The following DPRX variants were observed in gnomAD, a reference collection of about 807,000 sequenced individuals.
DPRX encodes the protein divergent paired-related homeobox.
Under a neutral mutation model 8.4 loss-of-function variants are expected in DPRX, and 11 were observed. The ratio of observed to expected loss-of-function variants is 1.31; its 90% CI spans 0.82 to 2.17. DPRX has a LOEUF of 2.17. Ranked by LOEUF, DPRX falls within the 30% of genes most tolerant of loss-of-function variation. The pLI is 0.00. For missense variants in DPRX, 211 were observed against 236.7 expected, an observed-to-expected ratio of 0.89 and a Z score of 0.71; for synonymous variants, 72 against 87.0, an observed-to-expected ratio of 0.83 and a Z score of 0.96.
chr19:53,601,892 T>A, the DPRX span: 1 of 390,256 alleles, frequency 2.6e-6, no homozygotes, highest in South Asian at 1.9e-5. Context: ...CCATTGGTTT[T>A]TCGCAACTGC....
At chr19:53,631,110 G>A (rs1046721557), upstream of DPRX, among the ~76,000 whole-genome samples, 1 of 151,776 alleles carries the variant, frequency 6.6e-6, no homozygotes, top group Non-Finnish European at 1.5e-5. Context: ...GCCTCCCAAA[G>A]TGCTGGGATT....
the DPRX span, among the ~76,000 whole-genome samples, chr19:53,612,333 T>C: frequency 6.6e-6 from 1 of 151,436 alleles, no homozygotes; most frequent in Non-Finnish European, 1.5e-5. Flanking sequence ...CAGTGAGCTA[T>C]GATCCTACCA....
chr19:53,634,178 C>T (rs1206404954), intron 1 of DPRX, among the ~76,000 whole-genome samples: 1 of 152,094 alleles, frequency 6.6e-6, no homozygotes, highest in Non-Finnish European at 1.5e-5. Context: ...CGCATGTAAT[C>T]CCAACACTTT....
chr19:53,613,048 T>C, the DPRX span, among the ~76,000 whole-genome samples: 55 of 152,092 alleles, frequency 3.6e-4, 1 homozygote, highest in Non-Finnish European at 8.8e-5. Flanking sequence ...TATGGCAGGA[T>C]TTGGGGAAAA....
intron 1 of DPRX, among the ~76,000 whole-genome samples, chr19:53,633,635 G>A (rs910622930): frequency 1.3e-5 from 2 of 152,018 alleles, no homozygotes; most frequent in Non-Finnish European, 2.9e-5. Context: ...TCAGCCTCCC[G>A]AGTAGCTGGG....
At chr19:53,625,869 C>T in the DPRX span, among the ~76,000 whole-genome samples, 2 of 151,938 alleles carry the variant, frequency 1.3e-5, no homozygotes, top group Non-Finnish European at 2.9e-5. Context: ...AACTCCTGAC[C>T]TCAGGTGATC....
At chr19:53,629,072 G>T (rs1409596932), upstream of DPRX, among the ~76,000 whole-genome samples, 1 of 151,524 alleles carries the variant, frequency 6.6e-6, no homozygotes, top group African/African-American at 2.4e-5. Context: ...TCAGCACTTT[G>T]GGAGGCCGAG....
the DPRX span, among the ~76,000 whole-genome samples, chr19:53,625,988 G>A: frequency 2.6e-5 from 4 of 152,106 alleles, no homozygotes; most frequent in South Asian, 6.2e-4. Flanking sequence ...CCAGGCTAGA[G>A]TGCAGGGGCA....
upstream of DPRX, among the ~76,000 whole-genome samples, chr19:53,631,540 G>A (rs1018610727): frequency 2.6e-5 from 4 of 151,870 alleles, no homozygotes; most frequent in African/African-American, 9.7e-5. Flanking sequence ...AGTCAGAAAC[G>A]TTGAGGGCAG....
At chr19:53,603,746 CTTTTT>C in the DPRX span, among the ~76,000 whole-genome samples, 1 of 140,398 alleles carries the variant, frequency 7.1e-6, no homozygotes, top group Admixed American at 7.2e-5. Flanking sequence ...TCTTTTCTTT[CTTTTT>C]TTTTTTTTTT....
At chr19:53,618,607 C>T in the DPRX span, among the ~76,000 whole-genome samples, 24,000 of 139,940 alleles carry the variant, frequency 0.17, 2,104 homozygotes, top group East Asian at 0.24. Flanking sequence ...ATAGCAAGAC[C>T]CCATCTCTAA....
upstream of DPRX, among the ~76,000 whole-genome samples, chr19:53,628,835 C>T (rs555749056): frequency 9.9e-5 from 15 of 151,752 alleles, no homozygotes; most frequent in Middle Eastern, 6.8e-3. Context: ...GTGATCCACC[C>T]GCCTCGGCCT....
At chr19:53,626,685 G>A in the DPRX span, among the ~76,000 whole-genome samples, 2 of 152,144 alleles carry the variant, frequency 1.3e-5, no homozygotes, top group Non-Finnish European at 2.9e-5. Flanking sequence ...TAGTCAAGGC[G>A]TGAGGTTCTC....
At chr19:53,633,796 CTG>C (rs1362731673) in intron 1 of DPRX, among the ~76,000 whole-genome samples, 1 of 151,622 alleles carries the variant, frequency 6.6e-6, no homozygotes, top group Non-Finnish European at 1.5e-5. Flanking sequence ...GCATGAGCCA[CTG>C]TGCCCGGCCA....
At chr19:53,607,844 C>G in the DPRX span, among the ~76,000 whole-genome samples, 1 of 150,836 alleles carries the variant, frequency 6.6e-6, no homozygotes, top group Non-Finnish European at 1.5e-5. Context: ...GAGTGAGACT[C>G]CATCTCAAAA....
the DPRX span, among the ~76,000 whole-genome samples, chr19:53,605,259 T>C: frequency 6.6e-6 from 1 of 152,266 alleles, no homozygotes; most frequent in African/African-American, 2.4e-5. Context: ...TTTAATTTTT[T>C]TTTTTTAAAC....
At chr19:53,604,982 T>C in the DPRX span, among the ~76,000 whole-genome samples, 4 of 152,300 alleles carry the variant, frequency 2.6e-5, no homozygotes, top group South Asian at 8.3e-4. Flanking sequence ...AATATCACAC[T>C]GTACCCCACG....
chr19:53,628,905 C>G (rs1278017890), upstream of DPRX, among the ~76,000 whole-genome samples: 3 of 151,698 alleles, frequency 2.0e-5, no homozygotes, highest in South Asian at 4.2e-4. Flanking sequence ...ACTTTCCTAA[C>G]TCTAAAATAA....
At chr19:53,608,971 AAAAG>A in the DPRX span, among the ~76,000 whole-genome samples, 5 of 116,042 alleles carry the variant, frequency 4.3e-5, no homozygotes, top group African/African-American at 1.4e-4. Context: ...AAAAAAAAAA[AAAAG>A]GAAAGAAAAG....
Sources: gnomAD v4.1 joint callset for allele counts (sites outside exome capture counted in the v4.1 genomes callset) on GRCh38, gnomAD v4.1.1 for gene constraint, MANE v1.5 for transcripts, NCBI Gene and HGNC (gene_info 2026-07-23, HGNC 2026-07-21) for gene names.